Variants in CCDC91 observed in about 807,000 individuals in gnomAD.
CCDC91 encodes coiled-coil domain containing 91, also known as coiled-coil domain-containing protein 91.
In CCDC91, 48 loss-of-function variants were observed where a neutral mutation model predicts 63.2. That is an observed-to-expected ratio of 0.76 (90% confidence interval 0.60 to 0.97). The LOEUF is 0.97. Ranked by LOEUF, CCDC91 falls within the 50% of genes least tolerant of loss-of-function variation. The pLI is 0.00. For synonymous variants in CCDC91, 167 were observed against 165.8 expected (o/e 1.01, Z -0.06); for missense variants, 500 against 494.6 (o/e 1.01, Z -0.10).
At chr12:28,357,583 T>G (rs1273839418) in intron 6 of CCDC91, among the ~76,000 whole-genome samples, 3 of 152,144 alleles carry the variant, frequency 2.0e-5, no homozygotes, top group Admixed American at 1.3e-4. Flanking sequence ...GAATACATTC[T>G]AATAGCTTGA....
At chr12:28,389,165 G>A (rs1159722054) in intron 7 of CCDC91, among the ~76,000 whole-genome samples, 1 of 152,110 alleles carries the variant, frequency 6.6e-6, no homozygotes, top group East Asian at 1.9e-4. Flanking sequence ...TGTTCTTTGT[G>A]TATAGTGGTG....
chr12:28,493,766 A>G (rs1230456278), intron 12 of CCDC91, among the ~76,000 whole-genome samples: 2 of 151,712 alleles, frequency 1.3e-5, no homozygotes, highest in Non-Finnish European at 2.9e-5. Context: ...TTATAAAAAC[A>G]AAAATGTGCT....
chr12:28,445,744 T>A (rs1949465289), intron 8 of CCDC91, among the ~76,000 whole-genome samples: 1 of 152,194 alleles, frequency 6.6e-6, no homozygotes, highest in African/African-American at 2.4e-5. Context: ...AGGTTTCTGC[T>A]GAGTAGGCCT....
chr12:28,194,991 T>C (rs1484661314), intron 1 of CCDC91, among the ~76,000 whole-genome samples: 1 of 152,074 alleles, frequency 6.6e-6, no homozygotes, highest in Non-Finnish European at 1.5e-5. Flanking sequence ...TTGCGAACAG[T>C]GAAAGAACAA....
At chr12:28,325,852 AT>A (rs1471895869) in intron 6 of CCDC91, among the ~76,000 whole-genome samples, 1 of 152,052 alleles carries the variant, frequency 6.6e-6, no homozygotes. Flanking sequence ...AGGAAATATT[AT>A]TCTATTTTAG....
At chr12:28,464,043 A>C (rs1164856903) in intron 11 of CCDC91, among the ~76,000 whole-genome samples, 1 of 152,114 alleles carries the variant, frequency 6.6e-6, no homozygotes, top group Non-Finnish European at 1.5e-5. Context: ...GGGGAGGAGA[A>C]CCAGCAATTG....
At chr12:28,321,275 G>A (rs1299947916) in intron 6 of CCDC91, among the ~76,000 whole-genome samples, 3 of 151,720 alleles carry the variant, frequency 2.0e-5, no homozygotes, top group African/African-American at 7.3e-5. Context: ...TCAAAACTTA[G>A]CTGAATCATA....
intron 7 of CCDC91, among the ~76,000 whole-genome samples, chr12:28,366,219 A>G (rs1163296793): frequency 1.3e-5 from 2 of 152,210 alleles, no homozygotes; most frequent in Non-Finnish European, 2.9e-5. Flanking sequence ...AGTAAGACAG[A>G]AACAGGCAGA....
chr12:28,502,507 C>T (rs888928125), intron 12 of CCDC91, among the ~76,000 whole-genome samples: 8 of 150,724 alleles, frequency 5.3e-5, no homozygotes, highest in African/African-American at 1.9e-4. Context: ...GCCATACTGC[C>T]CAAGGTAATT....
chr12:28,457,581 C>G (rs757266404), intron 11 of CCDC91, among the ~76,000 whole-genome samples: 1 of 151,216 alleles, frequency 6.6e-6, no homozygotes, highest in African/African-American at 2.4e-5. Context: ...CAGATTTCCT[C>G]TCTGCTAGTA....
At chr12:28,413,338 C>T (rs1947438153) in intron 8 of CCDC91, among the ~76,000 whole-genome samples, 1 of 152,016 alleles carries the variant, frequency 6.6e-6, no homozygotes, top group African/African-American at 2.4e-5. Flanking sequence ...GATTTTTACC[C>T]CCATATTTTA....
intron 3 of CCDC91, among the ~76,000 whole-genome samples, chr12:28,292,887 A>G (rs1396644351): frequency 1.3e-5 from 2 of 152,158 alleles, no homozygotes; most frequent in East Asian, 3.9e-4. Context: ...ATGTACAATA[A>G]TACTTACGTT....
At chr12:28,522,390 T>G (rs1940786787) in intron 12 of CCDC91, among the ~76,000 whole-genome samples, 1 of 152,184 alleles carries the variant, frequency 6.6e-6, no homozygotes, top group Admixed American at 6.6e-5. Context: ...CTGATGGTAG[T>G]TTGTATTTCT....
rs532902834 is a variant in CCDC91 at position 28,503,177 on chromosome 12, C to A, written c.1215+19012C>A. On this transcript the variant is annotated intron_variant, in intron 12 of 12. Transcript: ENST00000536442. ...TAAAATGGGAGAAAATTTTCGCAAC[C>A]TACTAATCTGACAAAGGGCTAATAT... Among the ~76,000 whole-genome samples the A allele has an allele frequency of 2.6e-5, 4 of 152,128 alleles. No individual in the cohort carries two copies. In the South Asian group the frequency reaches 8.3e-4, roughly 32 times the overall value.
intron 1 of CCDC91, among the ~76,000 whole-genome samples, chr12:28,222,947 T>G (rs1382900223): frequency 3.9e-5 from 6 of 152,234 alleles, no homozygotes; most frequent in African/African-American, 1.4e-4. Context: ...TTAAAATTGT[T>G]TCTTTTGTGA....
At chr12:28,428,719 A>G (rs1948470037) in intron 8 of CCDC91, among the ~76,000 whole-genome samples, 1 of 151,908 alleles carries the variant, frequency 6.6e-6, no homozygotes, top group Admixed American at 6.6e-5. Flanking sequence ...ACGGAAATAT[A>G]TCAAAAGAGT....
At chr12:28,246,332 GT>G (rs1258701554) in intron 1 of CCDC91, among the ~76,000 whole-genome samples, 1 of 152,018 alleles carries the variant, frequency 6.6e-6, no homozygotes, top group Non-Finnish European at 1.5e-5. Context: ...GGGTCTTCAG[GT>G]TTATGTTGTC....
intron 11 of CCDC91, among the ~76,000 whole-genome samples, chr12:28,480,706 A>G (rs1298834025): frequency 6.6e-6 from 1 of 152,032 alleles, no homozygotes; most frequent in East Asian, 1.9e-4. Context: ...TAGAAACAAA[A>G]AATAAGTAAA....
At chr12:28,240,269 TCA>T (rs1289838585) in intron 1 of CCDC91, among the ~76,000 whole-genome samples, 1 of 152,178 alleles carries the variant, frequency 6.6e-6, no homozygotes, top group Non-Finnish European at 1.5e-5. Context: ...CTTGTATTAA[TCA>T]CAGTTTTTAA....
Sources: gnomAD v4.1 joint callset for allele counts (sites outside exome capture counted in the v4.1 genomes callset) on GRCh38, gnomAD v4.1.1 for gene constraint, MANE v1.5 for transcripts, NCBI Gene and HGNC (gene_info 2026-07-23, HGNC 2026-07-21) for gene names.